MORC1: variants seen among roughly 807,000 people sequenced by gnomAD.
MORC1 encodes the protein MORC family CW-type zinc finger protein 1.
MORC1 carries 59 observed loss-of-function variants against 134.9 expected under a neutral mutation model. The observed-to-expected ratio is 0.44, with a 90% CI of 0.35 to 0.54. The LOEUF (loss-of-function observed/expected upper bound fraction) is 0.54. Ranked by LOEUF, MORC1 falls within the 20% of genes least tolerant of loss-of-function variation. The probability of loss-of-function intolerance (pLI) is 0.00; values close to 1 mark genes in which losing one functional copy is unlikely to be tolerated. For missense variants in MORC1, 947 were observed against 1,134.5 expected (o/e 0.83, Z 2.37); for synonymous variants, 395 against 391.7 (o/e 1.01, Z -0.10).
At chr3:109,040,487 A>AGAAG (rs1949510222) in intron 14 of MORC1, among the ~76,000 whole-genome samples, 1 of 129,662 alleles carries the variant, frequency 7.7e-6, no homozygotes, top group African/African-American at 2.7e-5. Flanking sequence ...AAAGAAAGAA[A>AGAAG]GGAAAGAAAA....
chr3:109,068,729 G>A (rs909427969), intron 9 of MORC1, among the ~76,000 whole-genome samples: 1 of 152,180 alleles, frequency 6.6e-6, no homozygotes, highest in Admixed American at 6.5e-5. Context: ...CAAACTCACA[G>A]AAAAATCTGA....
chr3:109,074,991 C>G (rs1358986800), intron 8 of MORC1, among the ~76,000 whole-genome samples: 3 of 152,172 alleles, frequency 2.0e-5, no homozygotes, highest in Non-Finnish European at 4.4e-5. Flanking sequence ...CAACAGAACT[C>G]AAGTCACTCG....
chr3:109,023,308 G>C (rs905449133), intron 17 of MORC1, among the ~76,000 whole-genome samples: 9 of 152,238 alleles, frequency 5.9e-5, no homozygotes, highest in African/African-American at 1.9e-4. Context: ...TATATTAATA[G>C]AAAGGCAACT....
chr3:109,014,930 G>C (rs1013120829), intron 17 of MORC1, among the ~76,000 whole-genome samples: 22 of 152,126 alleles, frequency 1.4e-4, no homozygotes, highest in African/African-American at 5.1e-4. Context: ...CTGTCACCCA[G>C]GCTGGAGTGC....
intron 17 of MORC1, among the ~76,000 whole-genome samples, chr3:109,016,778 C>T (rs1451360067): frequency 3.3e-5 from 5 of 152,102 alleles, no homozygotes; most frequent in Non-Finnish European, 5.9e-5. Context: ...GCAGGAGAAT[C>T]GCTTAAATCC....
At chr3:109,006,891 T>TA (rs1948552844) in intron 18 of MORC1, 138 bp downstream of exon 18, 1 of 487,904 alleles carries the variant, frequency 2.0e-6, no homozygotes, top group African/African-American at 2.0e-5. Context: ...CTAACAAGAA[T>TA]AAAATGGCAG....
intron 8 of MORC1, among the ~76,000 whole-genome samples, chr3:109,085,174 C>CTGTG (rs375880275): frequency 5.3e-4 from 80 of 150,808 alleles, no homozygotes; most frequent in Non-Finnish European, 9.5e-4. Context: ...GTGTATGTGT[C>CTGTG]TGTGTGTGTG....
intron 6 of MORC1, 76 bp downstream of exon 6, chr3:109,099,282 A>C (rs1289724343): frequency 9.8e-7 from 1 of 1,021,498 alleles, no homozygotes; most frequent in Non-Finnish European, 1.4e-6. Flanking sequence ...AACCCATGAC[A>C]AGACTTCACC....
intron 23 of MORC1, among the ~76,000 whole-genome samples, chr3:108,983,412 T>C (rs1376618345): frequency 2.0e-5 from 3 of 152,126 alleles, no homozygotes; most frequent in African/African-American, 7.2e-5. Flanking sequence ...GTAAAGGAGA[T>C]ACTTTAAAAT....
chr3:108,995,777 T>A (rs533104031), intron 21 of MORC1, among the ~76,000 whole-genome samples: 19 of 152,280 alleles, frequency 1.2e-4, no homozygotes, highest in African/African-American at 4.3e-4. Context: ...GGGCAAGGCA[T>A]GGATGATGGA....
At chr3:108,987,563 G>A (rs1473101887) in intron 21 of MORC1, among the ~76,000 whole-genome samples, 1 of 152,118 alleles carries the variant, frequency 6.6e-6, no homozygotes, top group Non-Finnish European at 1.5e-5. Flanking sequence ...GTTGGAGCCA[G>A]GAGGGTTACT....
chr3:109,099,574 T>A, intron 5 of MORC1, 108 bp from the exon 6 acceptor site: 2 of 792,844 alleles, frequency 2.5e-6, no homozygotes, highest in African/African-American at 1.8e-5. Flanking sequence ...TTTCCAACAC[T>A]CTGTTCTGCT....
At position 109,057,395 on chromosome 3, in the gene MORC1, G is replaced by A; in HGVS notation, c.1123C>T (p.Arg375Cys). The change falls in exon 13 of 28, where the codon CGT becomes TGT. Residue 375 changes from arginine (R) to cysteine (C), a missense_variant. Physicochemically the swap from Arg to Cys is radical, Grantham distance 180. Around this residue, in one of 3 missense-constraint regions of MORC1, gnomAD observed 722 missense variants for 817.0 expected, o/e 0.88. Coordinates refer to ENST00000232603, the MANE Select transcript of MORC1 (RefSeq NM_014429.4). ...QAGMFIYSNN[R>C]LIKMHEKVGS... ...ACTTTTTCATGCATTTTGATCAAACGGTTATTACTGTAAATGAACATTCCA... is the reference window on the plus strand; with the variant it reads ...ACTTTTTCATGCATTTTGATCAAACAGTTATTACTGTAAATGAACATTCCA... The A allele has an allele frequency of 6.2e-7, 1 of 1,610,996 alleles. No homozygotes were observed. Among genetic ancestry groups the A allele is most frequent in the Non-Finnish European group, 8.5e-7 (1 of 1,178,512 alleles).
chr3:109,088,339 TA>T (rs1353527439), intron 8 of MORC1, among the ~76,000 whole-genome samples: 1 of 152,076 alleles, frequency 6.6e-6, no homozygotes, highest in Non-Finnish European at 1.5e-5. Context: ...GACAAAGGTC[TA>T]ATATCGAGCA....
intron 3 of MORC1, among the ~76,000 whole-genome samples, chr3:109,106,843 TC>T (rs1951051657): frequency 6.6e-6 from 1 of 152,172 alleles, no homozygotes; most frequent in East Asian, 1.9e-4. Flanking sequence ...CAGCCAGTCT[TC>T]CATCAGTCGT....
chr3:109,088,090 G>A (rs1371519190), intron 8 of MORC1, among the ~76,000 whole-genome samples: 1 of 152,036 alleles, frequency 6.6e-6, no homozygotes, highest in East Asian at 1.9e-4. Flanking sequence ...ACGAATTAAA[G>A]ACTTAAATGT....
chr3:108,993,890 GT>G (rs1335268146), intron 21 of MORC1, among the ~76,000 whole-genome samples: 1 of 152,024 alleles, frequency 6.6e-6, no homozygotes, highest in Non-Finnish European at 1.5e-5. Flanking sequence ...ACTTATAGTT[GT>G]TTTTCATTTG....
chr3:109,023,854 T>G (rs1303898643), intron 17 of MORC1, among the ~76,000 whole-genome samples: 1 of 152,218 alleles, frequency 6.6e-6, no homozygotes, highest in Non-Finnish European at 1.5e-5. Flanking sequence ...GCTTCATCAC[T>G]TGGCCAGCAG....
intron 24 of MORC1, among the ~76,000 whole-genome samples, chr3:108,974,329 C>T (rs912056423): frequency 2.0e-5 from 3 of 152,178 alleles, no homozygotes; most frequent in African/African-American, 4.8e-5. Context: ...AAATCACATA[C>T]GTAGGGTCTG....
Sources: allele counts gnomAD v4.1 joint callset (sites outside exome capture counted in the v4.1 genomes callset), GRCh38; gene constraint gnomAD v4.1.1; regional missense constraint gnomAD v4.1.1; transcripts MANE v1.5; gene names NCBI Gene and HGNC (gene_info 2026-07-23, HGNC 2026-07-21).